KRABD1: variants seen among roughly 807,000 people sequenced by gnomAD.
KRABD1 encodes the protein KRAB domain containing 1, also known as KRAB domain-containing protein 1.
At chr3:42,942,123 A>T in the KRABD1 span, 1 of 1,236,112 alleles carries the variant, frequency 8.1e-7, no homozygotes, top group African/African-American at 1.5e-5. Flanking sequence ...CTTTGCCTTC[A>T]TTTCATCAAA....
At chr3:42,942,598 CA>C in the KRABD1 span, 8 of 1,447,144 alleles carry the variant, frequency 5.5e-6, no homozygotes, top group Admixed American at 1.1e-4. Context: ...AGAATAGTAT[CA>C]AAAATTTTTC....
chr3:42,941,984 G>A, the KRABD1 span: 12 of 1,535,882 alleles, frequency 7.8e-6, no homozygotes, highest in East Asian at 2.7e-4. Flanking sequence ...ACCAGCTTTG[G>A]TCTCTCATCT....
chr3:42,941,280 A>G, the KRABD1 span: 2 of 1,594,238 alleles, frequency 1.3e-6, no homozygotes, highest in East Asian at 2.2e-5. Flanking sequence ...GGAATGGGCC[A>G]TCATGGTGCC....
chr3:42,942,620 A>G, the KRABD1 span: 197 of 1,418,486 alleles, frequency 1.4e-4, no homozygotes, highest in Non-Finnish European at 1.6e-4. Flanking sequence ...GAAATCGTCA[A>G]TGCTGGGAAG....
chr3:42,938,748 C>T, the KRABD1 span: 2 of 480,432 alleles, frequency 4.2e-6, no homozygotes, highest in Admixed American at 3.1e-5. Flanking sequence ...AACTAATGAA[C>T]GGTTATTGAT....
At chr3:42,940,400 C>T in the KRABD1 span, among the ~76,000 whole-genome samples, 2 of 152,150 alleles carry the variant, frequency 1.3e-5, no homozygotes, top group Non-Finnish European at 2.9e-5. Flanking sequence ...TGCAACACAA[C>T]GTAACATGGA....
At chr3:42,941,484 GA>G in the KRABD1 span, 1 of 955,050 alleles carries the variant, frequency 1.0e-6, no homozygotes, top group Non-Finnish European at 1.5e-6. Flanking sequence ...ATTGACTTGC[GA>G]AAGGCTTTCC....
At chr3:42,942,559 A>G in the KRABD1 span, 3 of 1,367,624 alleles carry the variant, frequency 2.2e-6, no homozygotes, top group Admixed American at 4.6e-5. Context: ...CTAAGAAGAT[A>G]TACTTACTTA....
At chr3:42,941,951 C>T in the KRABD1 span, 64 of 1,508,258 alleles carry the variant, frequency 4.2e-5, no homozygotes, top group South Asian at 1.4e-4. Flanking sequence ...TTCTTCTTTT[C>T]GAGCAGTGCC....
chr3:42,940,398 A>G, the KRABD1 span, among the ~76,000 whole-genome samples: 1 of 152,220 alleles, frequency 6.6e-6, no homozygotes, highest in East Asian at 1.9e-4. Flanking sequence ...TTTGCAACAC[A>G]ACGTAACATG....
chr3:42,942,682 G>A, the KRABD1 span: 2 of 829,642 alleles, frequency 2.4e-6, no homozygotes, highest in East Asian at 2.8e-5. Context: ...TCCAAGTAAG[G>A]AGTTGATGTA....
the KRABD1 span, chr3:42,942,599 A>C: frequency 6.9e-7 from 1 of 1,449,642 alleles, no homozygotes; most frequent in Non-Finnish European, 9.1e-7. Context: ...GAATAGTATC[A>C]AAAATTTTTC....
the KRABD1 span, chr3:42,937,182 A>G: frequency 6.6e-6 from 1 of 152,038 alleles, no homozygotes. Flanking sequence ...CTTTTACTCC[A>G]CTGTCATAAT....
the KRABD1 span, chr3:42,936,721 C>T: frequency 1.3e-5 from 2 of 152,292 alleles, no homozygotes; most frequent in Non-Finnish European, 2.9e-5. Context: ...TGTCCACACT[C>T]CAGAATCTTC....
the KRABD1 span, among the ~76,000 whole-genome samples, chr3:42,940,479 C>T: frequency 3.9e-5 from 6 of 152,154 alleles, no homozygotes; most frequent in African/African-American, 1.4e-4. Flanking sequence ...TGGCACTTGG[C>T]TCATAGGTTC....
At chr3:42,938,920 A>G in the KRABD1 span, 18 of 1,532,062 alleles carry the variant, frequency 1.2e-5, no homozygotes, top group Non-Finnish European at 1.6e-5. Flanking sequence ...GTCCTTAACA[A>G]CCAGGCCCCA....
chr3:42,942,238 A>G, the KRABD1 span, among the ~76,000 whole-genome samples: 1 of 152,046 alleles, frequency 6.6e-6, no homozygotes, highest in Admixed American at 6.5e-5. Flanking sequence ...ATCCCTTTAA[A>G]GCGTAGTACA....
At chr3:42,939,036 T>A in the KRABD1 span, 7 of 815,814 alleles carry the variant, frequency 8.6e-6, no homozygotes, top group Non-Finnish European at 1.9e-6. Context: ...TACATATATA[T>A]AACATACTTT....
chr3:42,941,135 A>G, the KRABD1 span: 6 of 1,282,078 alleles, frequency 4.7e-6, no homozygotes, highest in African/African-American at 1.5e-5. Context: ...AATACGTATC[A>G]TTTGTAGATG....
Sources: allele counts gnomAD v4.1 joint callset (sites outside exome capture counted in the v4.1 genomes callset), GRCh38; gene constraint gnomAD v4.1.1; transcripts MANE v1.5; gene names NCBI Gene and HGNC (gene_info 2026-07-23, HGNC 2026-07-21).